The following SMIM13 variants were observed in gnomAD, a reference collection of about 807,000 sequenced individuals.
The protein encoded by SMIM13 is small integral membrane protein 13.
A neutral mutation model predicts 5.9 loss-of-function variants in SMIM13; 3 were observed. The observed-to-expected ratio is 0.51, with a 90% CI of 0.23 to 1.31. The LOEUF (loss-of-function observed/expected upper bound fraction) is 1.31, where lower values mean the gene tolerates loss of function less well. Ranked by LOEUF, SMIM13 falls within the 40% of genes most tolerant of loss-of-function variation. The pLI, the probability that SMIM13 is intolerant of heterozygous loss-of-function variation, is 0.18. For synonymous variants in SMIM13, 55 were observed against 46.0 expected, an observed-to-expected ratio of 1.19 and a Z score of -0.79; for missense variants, 85 against 109.9, an observed-to-expected ratio of 0.77 and a Z score of 1.01.
rs760304346 is a variant in SMIM13, at chr6:11,131,325, A to AT, written c.77-3071dup. On this transcript the variant is annotated intron_variant, in intron 1 of 1. Coordinates refer to ENST00000416247, the MANE Select transcript of SMIM13 (RefSeq NM_001135575.2). ...AAATTTGGTAAGTACAGAGAAATAT[A>AT]TTTTTTTAAAAAAACAAGGTGGGTC... Among the ~76,000 whole-genome samples the AT allele has an allele frequency of 1.3e-4, 19 of 151,922 alleles. 1 individual carries two copies. The highest frequency in any genetic ancestry group is 2.6e-4 in the Non-Finnish European group (18 of 67,970).
Position 11,128,224 on chromosome 6 carries a change from A to C in SMIM13, c.77-6179A>C, listed in dbSNP as rs147773204. Reference sequence around the variant, plus strand: ...ACTATTTGGGGCCCAAGGGCTGTCTACTAAGCAGGCAATGCATCCTGCTAG... The same window carrying C: ...ACTATTTGGGGCCCAAGGGCTGTCTCCTAAGCAGGCAATGCATCCTGCTAG... On this transcript the variant is annotated intron_variant, in intron 1 of 1. Coordinates refer to ENST00000416247, the MANE Select transcript of SMIM13 (RefSeq NM_001135575.2). 2.9e-3 allele frequency among the ~76,000 whole-genome samples: 434 copies of C among 152,276 alleles called. 1 individual carries two copies. The Middle Eastern group carries it at 0.031, about 11-fold the overall frequency.
intron 1 of SMIM13, among the ~76,000 whole-genome samples, chr6:11,107,602 C>G (rs564491031): frequency 6.6e-6 from 1 of 152,046 alleles, no homozygotes; most frequent in African/African-American, 2.4e-5. Flanking sequence ...GAGGATGGGT[C>G]GAGGGGGAGA....
At chr6:11,131,696 A>G (rs1758451436) in intron 1 of SMIM13, among the ~76,000 whole-genome samples, 1 of 152,188 alleles carries the variant, frequency 6.6e-6, no homozygotes, top group African/African-American at 2.4e-5. Flanking sequence ...AATCTTTTCA[A>G]CAAATGATCC....
intron 1 of SMIM13, among the ~76,000 whole-genome samples, chr6:11,131,665 A>C (rs1302288198): frequency 1.3e-5 from 2 of 152,192 alleles, no homozygotes; most frequent in Admixed American, 6.5e-5. Context: ...GTGCCAAGAT[A>C]ATATAATAGT....
At chr6:11,130,267 A>AC (rs1554119987) in intron 1 of SMIM13, among the ~76,000 whole-genome samples, 1,546 of 145,738 alleles carry the variant, frequency 0.011, 20 homozygotes, top group African/African-American at 0.028. Context: ...AAAAAAAAAA[A>AC]AACAACAACA....
chr6:11,096,378 C>T (rs1350299732), intron 1 of SMIM13, among the ~76,000 whole-genome samples: 1 of 152,150 alleles, frequency 6.6e-6, no homozygotes, highest in African/African-American at 2.4e-5. Context: ...ATACTTGCCT[C>T]CTGCAGGGAG....
intron 1 of SMIM13, chr6:11,104,622 A>T: frequency 6.2e-7 from 1 of 1,614,224 alleles, no homozygotes; most frequent in Non-Finnish European, 8.5e-7. Context: ...AGTTTGGTCC[A>T]ATAGAACCCA....
chr6:11,113,940 A>C (rs1462182374), intron 1 of SMIM13, among the ~76,000 whole-genome samples: 1 of 149,080 alleles, frequency 6.7e-6, no homozygotes, highest in Non-Finnish European at 1.5e-5. Flanking sequence ...CTTCTTATCA[A>C]GTTTTTAAGG....
intron 1 of SMIM13, chr6:11,105,340 G>A (rs572727451): frequency 1.3e-5 from 20 of 1,550,884 alleles, no homozygotes; most frequent in Middle Eastern, 1.7e-4. Context: ...GTCACAAAAC[G>A]AGCTGCCAAT....
At chr6:11,095,289 A>G (rs1001186425) in intron 1 of SMIM13, among the ~76,000 whole-genome samples, 6 of 152,204 alleles carry the variant, frequency 3.9e-5, no homozygotes, top group African/African-American at 1.4e-4. Context: ...GACGCTGTGG[A>G]ATATATGTGT....
At chr6:11,131,402 A>T (rs1380288623) in intron 1 of SMIM13, among the ~76,000 whole-genome samples, 14 of 142,698 alleles carry the variant, frequency 9.8e-5, no homozygotes, top group Non-Finnish European at 1.4e-4. Context: ...TCTTGATGCC[A>T]TTTTTTTTTT....
intron 1 of SMIM13, chr6:11,103,176 A>G (rs1254146018): frequency 1.3e-5 from 2 of 153,978 alleles, no homozygotes; most frequent in Non-Finnish European, 2.9e-5. Context: ...GGAAGGTCAT[A>G]TATGAGTTAA....
At chr6:11,116,514 A>G (rs1489955646) in intron 1 of SMIM13, among the ~76,000 whole-genome samples, 1 of 152,246 alleles carries the variant, frequency 6.6e-6, no homozygotes, top group Non-Finnish European at 1.5e-5. Context: ...AAGATTTTCA[A>G]CTACAAATTC....
chr6:11,104,849 G>A, intron 1 of SMIM13: 1 of 1,614,200 alleles, frequency 6.2e-7, no homozygotes, highest in Non-Finnish European at 8.5e-7. Flanking sequence ...AAGTCTGTTG[G>A]TTAGAATCTA....
rs370715612 is a variant in SMIM13, at chr6:11,105,314, G to A, written c.76+10925G>A. On this transcript the variant is annotated intron_variant, in intron 1 of 1. Transcript: ENST00000416247. ...GAACCAGCAGGAGCAGGCCCATGGT[G>A]ACCTAAGAGAAACTGGTCACAAAAC... The A allele has an allele frequency of 6.9e-6, 11 of 1,602,498 alleles. No individual in the cohort carries two copies. In the African/African-American group the frequency reaches 1.5e-4, roughly 22 times the overall value.
chr6:11,124,788 A>G (rs1205399527), intron 1 of SMIM13, among the ~76,000 whole-genome samples: 3 of 152,104 alleles, frequency 2.0e-5, no homozygotes, highest in Non-Finnish European at 4.4e-5. Context: ...GCACCTTTTT[A>G]TATACCTTCA....
At chr6:11,116,326 C>T (rs578203542) in intron 1 of SMIM13, among the ~76,000 whole-genome samples, 1 of 152,298 alleles carries the variant, frequency 6.6e-6, no homozygotes, top group Admixed American at 6.5e-5. Context: ...GCCAGCTTTG[C>T]CATGTTCTGT....
intron 1 of SMIM13, among the ~76,000 whole-genome samples, chr6:11,110,005 A>G (rs185691017): frequency 6.6e-6 from 1 of 152,338 alleles, no homozygotes; most frequent in African/African-American, 2.4e-5. Flanking sequence ...TAGGGGTTCC[A>G]GAATGAACCA....
intron 1 of SMIM13, among the ~76,000 whole-genome samples, chr6:11,119,287 T>G (rs1002372402): frequency 2.0e-5 from 3 of 152,144 alleles, no homozygotes; most frequent in Non-Finnish European, 2.9e-5. Flanking sequence ...ACTCACTGTT[T>G]TTGAGATGTC....
Sources: allele counts gnomAD v4.1 joint callset (sites outside exome capture counted in the v4.1 genomes callset), GRCh38; gene constraint gnomAD v4.1.1; transcripts MANE v1.5; gene names NCBI Gene and HGNC (gene_info 2026-07-23, HGNC 2026-07-21).